Variants in REPS2 observed in about 807,000 individuals in gnomAD.
The protein encoded by REPS2 is RALBP1 associated Eps domain containing 2, also known as ralBP1-associated Eps domain-containing protein 2.
A neutral mutation model predicts 53.6 loss-of-function variants in REPS2; 23 were observed. The ratio of observed to expected loss-of-function variants is 0.43; its 90% CI spans 0.31 to 0.61. The LOEUF (loss-of-function observed/expected upper bound fraction) is 0.61, where lower values mean the gene tolerates loss of function less well. Ranked by LOEUF, REPS2 falls within the 20% of genes least tolerant of loss-of-function variation. The pLI is 0.11. For missense variants in REPS2, 446 were observed against 534.9 expected (o/e 0.83, Z 1.64); for synonymous variants, 238 against 218.6 (o/e 1.09, Z -0.78).
chrX:17,068,976 A>C (rs2062264889), intron 10 of REPS2, among the ~76,000 whole-genome samples: 1 of 112,068 alleles, frequency 8.9e-6, no homozygotes, highest in African/African-American at 3.2e-5. Context: ...GCTGAGAAGC[A>C]GTGCAGCACA....
intron 1 of REPS2, among the ~76,000 whole-genome samples, chrX:16,963,728 T>TG (rs1194043903): frequency 2.7e-4 from 30 of 111,469 alleles, no homozygotes; most frequent in Non-Finnish European, 5.3e-4. Flanking sequence ...AAGGTTGCGC[T>TG]GGGGGGGCCA....
chrX:16,947,149 C>T lies in REPS2; in HGVS notation c.273+15C>T. 2 of 1,054,556 alleles carry T rather than the reference C, an allele frequency of 1.9e-6. No homozygotes were observed. The highest frequency in any genetic ancestry group is 2.4e-6 in the Non-Finnish European group (2 of 821,720). 86.9% of individuals were successfully genotyped at this position (1,054,556 alleles called of 1,213,427 possible). A position where few individuals can be genotyped will look rare whatever the true frequency, so the allele number is the denominator to read the frequency against. On this transcript the variant is annotated intron_variant, in intron 1 of 17. Transcript: ENST00000357277. ...CGCTGCACCAGGTGGGTCCCTCCGC[C>T]TCCTGTCCCTGCGGGTCTGTGGGGC...
At chrX:17,074,284 G>T in intron 12 of REPS2, 125 bp downstream of exon 12, 1 of 624,919 alleles carries the variant, frequency 1.6e-6, no homozygotes, top group Non-Finnish European at 2.6e-6. Flanking sequence ...TAGGATATGA[G>T]CCATTTCGCT....
chrX:17,135,545 G>A lies in REPS2; in HGVS notation c.1808+139G>A, dbSNP rs113821086. 6.0e-3 allele frequency: 4,446 copies of A among 744,023 alleles called. 18 individuals carry two copies. Among genetic ancestry groups the A allele is most frequent in the Non-Finnish European group, 7.0e-3 (3,601 of 516,234 alleles). The allele number at this position is 744,023 out of a possible 1,213,427, so 61.3% of individuals were successfully genotyped here. On this transcript the variant is annotated intron_variant, in intron 16 of 17. Coordinates refer to ENST00000357277, the MANE Select transcript of REPS2 (RefSeq NM_004726.3). Reference sequence around the variant, plus strand: ...AGTTTATCTTGCTCATCTCTGTGATGGGATTCAAGTCTCCCAGTCACATAG... The same window carrying A: ...AGTTTATCTTGCTCATCTCTGTGATAGGATTCAAGTCTCCCAGTCACATAG...
intron 3 of REPS2, among the ~76,000 whole-genome samples, chrX:17,022,851 G>A (rs774896921): frequency 1.0e-3 from 113 of 112,069 alleles, no homozygotes; most frequent in Non-Finnish European, 1.9e-3. Context: ...TACTATCTTG[G>A]GAAATGCTGC....
chrX:17,112,050 C>T (rs2148080679), intron 14 of REPS2, among the ~76,000 whole-genome samples: 1 of 109,980 alleles, frequency 9.1e-6, no homozygotes, highest in South Asian at 4.0e-4. Context: ...CTTACTGCAC[C>T]CTCAACCTCC....
At chrX:17,044,106 T>G (rs1398211188) in intron 5 of REPS2, among the ~76,000 whole-genome samples, 2 of 111,726 alleles carry the variant, frequency 1.8e-5, no homozygotes, top group Non-Finnish European at 3.8e-5. Flanking sequence ...TCATTCCTGA[T>G]TTCTGTTGTT....
chrX:17,130,396 T>C (rs1370462231), intron 14 of REPS2, among the ~76,000 whole-genome samples: 1 of 111,970 alleles, frequency 8.9e-6, no homozygotes, highest in Non-Finnish European at 1.9e-5. Context: ...ATTATGGATG[T>C]TGGAGCATGG....
At chrX:17,104,964 G>A (rs1389653255) in intron 14 of REPS2, among the ~76,000 whole-genome samples, 1 of 111,042 alleles carries the variant, frequency 9.0e-6, no homozygotes, top group East Asian at 2.8e-4. Flanking sequence ...TGTGCTAAGT[G>A]CTTTCAGTGC....
intron 13 of REPS2, among the ~76,000 whole-genome samples, chrX:17,096,348 A>G (rs2062697156): frequency 8.9e-6 from 1 of 111,969 alleles, no homozygotes; most frequent in Non-Finnish European, 1.9e-5. Flanking sequence ...TACTGAAATT[A>G]TATAAATATG....
intron 9 of REPS2, among the ~76,000 whole-genome samples, chrX:17,067,206 T>C (rs1022643226): frequency 3.8e-4 from 43 of 112,414 alleles, no homozygotes; most frequent in Non-Finnish European, 7.1e-4. Flanking sequence ...TTTCCAGAGT[T>C]TGTGTATATA....
the REPS2 span, among the ~76,000 whole-genome samples, chrX:17,191,447 C>T: frequency 8.9e-6 from 1 of 112,334 alleles, no homozygotes; most frequent in South Asian, 3.7e-4. Context: ...CAAATGTTGA[C>T]TAAGATGTAC....
intron 5 of REPS2, among the ~76,000 whole-genome samples, chrX:17,038,633 T>C (rs1208682927): frequency 8.9e-6 from 1 of 112,808 alleles, no homozygotes; most frequent in Non-Finnish European, 1.9e-5. Context: ...TTTGGAATTC[T>C]AGCAGCAAAG....
chrX:16,962,549 A>G (rs1291621622), intron 1 of REPS2, among the ~76,000 whole-genome samples: 1 of 111,693 alleles, frequency 9.0e-6, no homozygotes, highest in Non-Finnish European at 1.9e-5. Flanking sequence ...GTCAAAGTGT[A>G]CAAACTTGCA....
At chrX:16,995,261 G>T (rs1359425285) in intron 1 of REPS2, among the ~76,000 whole-genome samples, 1 of 112,020 alleles carries the variant, frequency 8.9e-6, no homozygotes, top group African/African-American at 3.2e-5. Flanking sequence ...CAGTTGGTGG[G>T]CCCAGAGACT....
chrX:17,023,255 C>T (rs768772267), intron 3 of REPS2, among the ~76,000 whole-genome samples: 2 of 111,738 alleles, frequency 1.8e-5, no homozygotes, highest in East Asian at 5.7e-4. Context: ...TGGCAAAACC[C>T]TGTCTCTACT....
In REPS2 at chrX:17,141,068, G is replaced by A. The variant is rs762605538; in HGVS notation, c.1914+2107G>A. On this transcript the variant is annotated intron_variant, in intron 17 of 17. Transcript: ENST00000357277. ...TACAGGCGTGAGCCACCGCGCCAGCGCACGCACAAACCTTAAGTGTACATT... is the reference window on the plus strand; with the variant it reads ...TACAGGCGTGAGCCACCGCGCCAGCACACGCACAAACCTTAAGTGTACATT... Among the ~76,000 whole-genome samples the A allele has an allele frequency of 1.9e-4, 21 of 111,686 alleles. 2 individuals carry two copies. The highest frequency in any genetic ancestry group is 4.7e-3 in the Middle Eastern group (1 of 214).
At chrX:17,082,470 A>G (rs1021149140) in intron 13 of REPS2, among the ~76,000 whole-genome samples, 8 of 112,289 alleles carry the variant, frequency 7.1e-5, no homozygotes, top group African/African-American at 2.3e-4. Flanking sequence ...GGCCAAATAC[A>G]TTGAGATTCA....
chrX:17,171,486 T>C, the REPS2 span, among the ~76,000 whole-genome samples: 1 of 111,756 alleles, frequency 8.9e-6, no homozygotes, highest in Non-Finnish European at 1.9e-5. Context: ...TTTCAAGAGA[T>C]GTGAGATTCC....
Sources: allele counts gnomAD v4.1 joint callset (sites outside exome capture counted in the v4.1 genomes callset), GRCh38; gene constraint gnomAD v4.1.1; transcripts MANE v1.5; gene names NCBI Gene and HGNC (gene_info 2026-07-23, HGNC 2026-07-21).